Variants in PASD1 observed in about 807,000 individuals in gnomAD.
PASD1 encodes the protein circadian clock protein PASD1.
A neutral mutation model predicts 58.8 loss-of-function variants in PASD1; 13 were observed. The observed-to-expected ratio is 0.22, with a 90% CI of 0.14 to 0.35. The LOEUF (loss-of-function observed/expected upper bound fraction) is 0.35, where lower values mean the gene tolerates loss of function less well. PASD1 is among the 10% of genes least tolerant of loss of function. The probability of loss-of-function intolerance (pLI) is 1.00; values close to 1 mark genes in which losing one functional copy is unlikely to be tolerated. For missense variants in PASD1, 734 were observed against 568.3 expected (o/e 1.29, Z -2.96); for synonymous variants, 236 against 216.7 (o/e 1.09, Z -0.78).
At chrX:151,649,552 G>A (rs1225266348) in intron 9 of PASD1, among the ~76,000 whole-genome samples, 3 of 111,574 alleles carry the variant, frequency 2.7e-5, no homozygotes, top group South Asian at 3.9e-4. Context: ...GAATCTTATC[G>A]GGATATTTAT....
intron 11 of PASD1, among the ~76,000 whole-genome samples, chrX:151,670,578 G>T (rs3893333): frequency 0.2 from 22,299 of 111,559 alleles, 2,231 homozygotes; most frequent in Non-Finnish European, 0.31. Context: ...TGCTTTTCAG[G>T]GCTCTGTGAA....
intron 8 of PASD1, among the ~76,000 whole-genome samples, chrX:151,627,607 A>T (rs1399219024): frequency 3.6e-5 from 4 of 111,808 alleles, no homozygotes; most frequent in Admixed American, 9.5e-5. Context: ...TCTATCATTG[A>T]TGGACATTTG....
intron 3 of PASD1, among the ~76,000 whole-genome samples, chrX:151,607,732 G>T (rs2124258026): frequency 8.9e-6 from 1 of 111,964 alleles, no homozygotes; most frequent in African/African-American, 3.2e-5. Context: ...GGGTTACCTG[G>T]CTTTTCTGGA....
At chrX:151,674,981 G>C (rs1411191137) in intron 15 of PASD1, among the ~76,000 whole-genome samples, 1 of 111,733 alleles carries the variant, frequency 8.9e-6, no homozygotes, top group Non-Finnish European at 1.9e-5. Flanking sequence ...CTAGAAACTT[G>C]GTCACTTAGA....
intron 8 of PASD1, among the ~76,000 whole-genome samples, chrX:151,626,037 AT>A (rs1280869640): frequency 2.7e-5 from 3 of 112,247 alleles, no homozygotes; most frequent in Admixed American, 1.9e-4. Flanking sequence ...CAGAATGTAA[AT>A]ACAGGTGATT....
intron 1 of PASD1, among the ~76,000 whole-genome samples, chrX:151,581,226 T>TAAAAAAAAAAAAAAAA (rs2013086264): frequency 5.0e-4 from 1 of 2,014 alleles, no homozygotes. Context: ...AAGCTCTGTA[T>TAAAAAAAAAAAAAAAA]CAAAAAAAAA....
At chrX:151,575,851 ATTATTT>A (rs1250606382) in intron 1 of PASD1, among the ~76,000 whole-genome samples, 2 of 109,050 alleles carry the variant, frequency 1.8e-5, no homozygotes, top group Non-Finnish European at 3.8e-5. Flanking sequence ...TATTTTTAAA[ATTATTT>A]TTATTTTTAT....
chrX:151,567,922 G>T (rs1011934308), intron 1 of PASD1, among the ~76,000 whole-genome samples: 6 of 111,417 alleles, frequency 5.4e-5, no homozygotes, highest in African/African-American at 2.0e-4. Flanking sequence ...GTAGGGTTTT[G>T]CTATGTTGTC....
intron 8 of PASD1, among the ~76,000 whole-genome samples, chrX:151,626,308 C>T (rs954682216): frequency 9.0e-6 from 1 of 111,666 alleles, no homozygotes; most frequent in African/African-American, 3.3e-5. Flanking sequence ...TGTTTACTAA[C>T]ACATTTTCAG....
At chrX:151,627,755 T>C (rs1468466907) in intron 8 of PASD1, among the ~76,000 whole-genome samples, 2 of 111,978 alleles carry the variant, frequency 1.8e-5, no homozygotes, top group African/African-American at 6.5e-5. Flanking sequence ...GTATTTCTAG[T>C]TCTAGATCCT....
At chrX:151,669,373 T>C (rs181192482) in intron 11 of PASD1, among the ~76,000 whole-genome samples, 1 of 110,270 alleles carries the variant, frequency 9.1e-6, no homozygotes, top group East Asian at 2.8e-4. Flanking sequence ...AGGATACCCA[T>C]CACTTCAAAT....
At chrX:151,667,922 C>T (rs779968990) in intron 11 of PASD1, among the ~76,000 whole-genome samples, 6 of 111,646 alleles carry the variant, frequency 5.4e-5, no homozygotes, top group African/African-American at 1.3e-4. Flanking sequence ...GTGAAGAAAG[C>T]CATTGGTAGC....
At chrX:151,658,226 T>TA in intron 9 of PASD1, among the ~76,000 whole-genome samples, 1 of 112,379 alleles carries the variant, frequency 8.9e-6, no homozygotes. Flanking sequence ...CTGAAAACTG[T>TA]AAAAGCATGT....
chrX:151,668,860 A>G lies in PASD1; in HGVS notation c.1072-2178A>G, dbSNP rs1043175472. ...GGAATCCTACCTAACTCGTTTTATG[A>G]GGCCAGCATCATCCTGATACCAAAG... On this transcript the variant is annotated intron_variant, in intron 11 of 15. Transcript: ENST00000370357. Among the ~76,000 whole-genome samples the G allele has an allele frequency of 3.7e-5, 4 of 107,920 alleles. No homozygotes were observed. The Admixed American group carries it at 4.0e-4, about 11-fold the overall frequency. 93.7% of individuals were successfully genotyped at this position (107,920 alleles called of 115,157 possible).
chrX:151,583,698 CTG>C, intron 1 of PASD1, among the ~76,000 whole-genome samples: 1 of 112,407 alleles, frequency 8.9e-6, no homozygotes, highest in Middle Eastern at 4.6e-3. Context: ...TCCTTATTGA[CTG>C]TGAACTTTGT....
chrX:151,659,624 A>G (rs5970088), intron 9 of PASD1, 89 bp from the exon 10 acceptor site: 18 of 909,057 alleles, frequency 2.0e-5, no homozygotes, highest in South Asian at 1.2e-4. Flanking sequence ...GTGATGTGAA[A>G]TGCATCAAAG....
At chrX:151,650,816 T>C (rs763423643) in intron 9 of PASD1, among the ~76,000 whole-genome samples, 20 of 111,701 alleles carry the variant, frequency 1.8e-4, no homozygotes, top group Non-Finnish European at 3.4e-4. Flanking sequence ...ACATAGCAAG[T>C]TTCTAGGCCA....
intron 1 of PASD1, among the ~76,000 whole-genome samples, chrX:151,591,883 A>G (rs2013254688): frequency 1.8e-5 from 2 of 112,038 alleles, no homozygotes; most frequent in East Asian, 2.8e-4. Context: ...AGAAAGGGCT[A>G]TATTAAACAC....
chrX:151,590,729 C>T (rs777486505), intron 1 of PASD1, among the ~76,000 whole-genome samples: 14 of 110,710 alleles, frequency 1.3e-4, no homozygotes, highest in Admixed American at 5.8e-4. Context: ...TACAGGTGCG[C>T]GCCATCATGC....
Sources: allele counts gnomAD v4.1 joint callset (sites outside exome capture counted in the v4.1 genomes callset), GRCh38; gene constraint gnomAD v4.1.1; transcripts MANE v1.5; gene names NCBI Gene and HGNC (gene_info 2026-07-23, HGNC 2026-07-21).